The following WDFY4 variants were observed in gnomAD, a reference collection of about 807,000 sequenced individuals.
WDFY4 encodes the protein WD repeat- and FYVE domain-containing protein 4.
In WDFY4, 169 loss-of-function variants were observed where a neutral mutation model predicts 351.9. The ratio of observed to expected loss-of-function variants is 0.48; its 90% CI spans 0.42 to 0.55. The LOEUF (loss-of-function observed/expected upper bound fraction) is 0.55. WDFY4 is among the 20% of genes least tolerant of loss of function. The probability of loss-of-function intolerance (pLI) is 0.00; values close to 1 mark genes in which losing one functional copy is unlikely to be tolerated. For synonymous variants in WDFY4, 1,622 were observed against 1,574.6 expected (o/e 1.03, Z -0.71); for missense variants, 3,803 against 3,935.6 (o/e 0.97, Z 0.90).
At chr10:48,827,687 C>T (rs556177378) in intron 36 of WDFY4, among the ~76,000 whole-genome samples, 1 of 150,874 alleles carries the variant, frequency 6.6e-6, no homozygotes, top group East Asian at 2.0e-4. Flanking sequence ...TTTATTCATC[C>T]TAACAAAAAT....
chr10:48,711,136 C>T (rs1376164734), intron 2 of WDFY4, among the ~76,000 whole-genome samples: 4 of 152,160 alleles, frequency 2.6e-5, no homozygotes, highest in Non-Finnish European at 4.4e-5. Flanking sequence ...ACTTATTCAT[C>T]AGAAATATTT....
At chr10:48,945,188 C>A (rs1840977184) in intron 49 of WDFY4, among the ~76,000 whole-genome samples, 1 of 152,086 alleles carries the variant, frequency 6.6e-6, no homozygotes, top group South Asian at 2.1e-4. Context: ...CCAGCCTGGC[C>A]AACATAGTGA....
chr10:48,919,951 T>C (rs1417543848), intron 47 of WDFY4, among the ~76,000 whole-genome samples: 1 of 152,234 alleles, frequency 6.6e-6, no homozygotes, highest in Admixed American at 6.5e-5. Context: ...CAAAGACATA[T>C]AAGAAAGAGA....
chr10:48,963,843 C>T lies in WDFY4; in HGVS notation c.8225C>T (p.Ala2742Val), dbSNP rs377476302. The change falls in exon 54 of 62, where the codon GCC (alanine) becomes GTC (valine). Residue 2742 changes from alanine to valine, a missense_variant and splice_region_variant. Transcript: ENST00000325239. ...PRKFISLHRK[A>V]LESDFVSANL... ...ATGCTCTTTGGGTTTTTGTTCCAGG[C>T]CCTGGAAAGTGACTTTGTCAGTGCC... 96 of 1,551,444 alleles carry T rather than the reference C, an allele frequency of 6.2e-5. No individual in the cohort carries two copies. The African/African-American group carries it at 1.2e-3, about 19-fold the overall frequency.
chr10:48,720,794 C>A (rs562657128), intron 3 of WDFY4, among the ~76,000 whole-genome samples: 61 of 152,230 alleles, frequency 4.0e-4, no homozygotes, highest in Non-Finnish European at 8.1e-4. Flanking sequence ...TCCTGACTTG[C>A]ATTCTTCCCC....
In WDFY4 at chr10:48,732,119, C is replaced by T. The variant is rs564799771; in HGVS notation, c.1582+557C>T. ...GGCCCCTGCACCCTGGAGTCTCAAT[C>T]CCAATAGCCTCTGCTGTCCCCTGAG... On this transcript the variant is annotated intron_variant, in intron 9 of 61. Transcript: ENST00000325239. Among the ~76,000 whole-genome samples, 32 of 152,308 alleles carry T rather than the reference C, an allele frequency of 2.1e-4. No homozygotes were observed. In the South Asian group the frequency reaches 6.4e-3, roughly 31 times the overall value.
At chr10:48,685,429 C>T (rs561911318) in intron 1 of WDFY4, among the ~76,000 whole-genome samples, 1 of 152,316 alleles carries the variant, frequency 6.6e-6, no homozygotes, top group East Asian at 1.9e-4. Context: ...GCCCTCCAAG[C>T]TCCCTCATAG....
chr10:48,717,326 A>G (rs1327041164), intron 2 of WDFY4, among the ~76,000 whole-genome samples: 1 of 152,246 alleles, frequency 6.6e-6, no homozygotes, highest in Non-Finnish European at 1.5e-5. Flanking sequence ...TGGTTGTTTT[A>G]GCAAAGTTCT....
intron 23 of WDFY4, among the ~76,000 whole-genome samples, chr10:48,791,781 G>A (rs1036875116): frequency 2.0e-5 from 3 of 152,158 alleles, no homozygotes; most frequent in African/African-American, 4.8e-5. Flanking sequence ...GGTGATTGGG[G>A]CAAAGCCTCC....
rs1462902362 is a variant in WDFY4 at position 48,709,833 on chromosome 10, G to C, written c.101G>C (p.Gly34Ala). ...GCTGTGCAGCCTGATGTCCCACATG[G>C]AGGGCAGTCCTCCAGCCCCACAGCT... ...LAAVQPDVPH[G>A]GQSSSPTALW... Residue 34 changes from glycine to alanine, a missense_variant, in exon 2 of 62, where the codon GGA (glycine) becomes GCA (alanine). Physicochemically the swap from Gly to Ala is moderately conservative, Grantham distance 60. Around this residue, in one of 3 missense-constraint regions of WDFY4, gnomAD observed 488 missense variants for 456.8 expected, o/e 1.07. Coordinates refer to ENST00000325239, the MANE Select transcript of WDFY4 (RefSeq NM_001394531.1). The C allele has an allele frequency of 5.2e-6, 8 of 1,551,886 alleles. No homozygotes were observed. The East Asian group carries it at 2.0e-4, about 38-fold the overall frequency.
rs2066408996 is a variant in WDFY4, at chr10:48,786,495, T to G, written c.3577-144T>G. ...CTTGTTTTGCGCATACTTCTGAGAT[T>G]TGAGAATTATATTTTAGTTTTTTAG... is the stretch of plus-strand genomic sequence containing the variant. On this transcript the variant is annotated intron_variant, in intron 19 of 61. Transcript: ENST00000325239. 4 of 635,384 alleles carry G rather than the reference T, an allele frequency of 6.3e-6. 1 individual carries two copies. Among genetic ancestry groups the G allele is most frequent in the Non-Finnish European group, 1.0e-5 (4 of 396,170 alleles). 39.4% of individuals were successfully genotyped at this position (635,384 alleles called of 1,614,324 possible).
chr10:48,852,994 C>T (rs143981466), intron 39 of WDFY4, among the ~76,000 whole-genome samples: 67 of 152,222 alleles, frequency 4.4e-4, no homozygotes, highest in African/African-American at 1.5e-3. Context: ...CAGAAATTAC[C>T]GAAGACCAAT....
At chr10:48,857,757 A>G (rs2069186913) in intron 39 of WDFY4, among the ~76,000 whole-genome samples, 1 of 152,104 alleles carries the variant, frequency 6.6e-6, no homozygotes, top group Non-Finnish European at 1.5e-5. Flanking sequence ...CATCTTTTGT[A>G]CATTTTCTGA....
At chr10:48,932,323 A>G (rs1233865130) in intron 47 of WDFY4, among the ~76,000 whole-genome samples, 5 of 152,218 alleles carry the variant, frequency 3.3e-5, no homozygotes, top group African/African-American at 1.2e-4. Context: ...CTGGTCAGGA[A>G]TCTCAGATGG....
intron 11 of WDFY4, among the ~76,000 whole-genome samples, chr10:48,737,563 G>T (rs574949435): frequency 3.9e-5 from 6 of 152,294 alleles, no homozygotes; most frequent in Admixed American, 3.9e-4. Flanking sequence ...GCAGTGATTG[G>T]TGTGGCCAAA....
chr10:48,862,595 G>T (rs1170526313), intron 39 of WDFY4, among the ~76,000 whole-genome samples: 1 of 152,132 alleles, frequency 6.6e-6, no homozygotes, highest in Non-Finnish European at 1.5e-5. Flanking sequence ...ATTGTGAGTT[G>T]TATAATTATT....
intron 39 of WDFY4, among the ~76,000 whole-genome samples, chr10:48,863,110 A>T (rs1467309674): frequency 6.6e-6 from 1 of 152,206 alleles, no homozygotes; most frequent in Admixed American, 6.5e-5. Flanking sequence ...GTTGGTGGAC[A>T]TTTAGGTTGT....
chr10:48,804,768 T>C (rs2067197189), intron 25 of WDFY4: 1 of 970,090 alleles, frequency 1.0e-6, no homozygotes, highest in Non-Finnish European at 1.2e-6. Flanking sequence ...TTTGTGAGTA[T>C]CTGAGGGAGG....
chr10:48,736,541 C>T (rs1453513719), intron 11 of WDFY4, among the ~76,000 whole-genome samples: 4 of 152,204 alleles, frequency 2.6e-5, no homozygotes, highest in Admixed American at 1.3e-4. Flanking sequence ...AAGTGCAGCT[C>T]AAATCAGCAA....
Sources: allele counts gnomAD v4.1 joint callset (sites outside exome capture counted in the v4.1 genomes callset), GRCh38; gene constraint gnomAD v4.1.1; regional missense constraint gnomAD v4.1.1; transcripts MANE v1.5; gene names NCBI Gene and HGNC (gene_info 2026-07-23, HGNC 2026-07-21).